The following OLFM3 variants were observed in gnomAD, a reference collection of about 807,000 sequenced individuals.
OLFM3 encodes the protein olfactomedin 3.
Under a neutral mutation model 48.6 loss-of-function variants are expected in OLFM3, and 20 were observed. The ratio of observed to expected loss-of-function variants is 0.41; its 90% CI spans 0.29 to 0.60. OLFM3 has a LOEUF of 0.60. Ranked by LOEUF, OLFM3 falls within the 20% of genes least tolerant of loss-of-function variation. The pLI, the probability that OLFM3 is intolerant of heterozygous loss-of-function variation, is 0.28. For missense variants in OLFM3, 437 were observed against 544.3 expected (o/e 0.80, Z 1.96); for synonymous variants, 222 against 198.1 (o/e 1.12, Z -1.01).
chr1:101,896,000 A>G (rs1658186788), intron 1 of OLFM3, among the ~76,000 whole-genome samples: 1 of 150,130 alleles, frequency 6.7e-6, no homozygotes, highest in South Asian at 2.1e-4. Context: ...AATAATAATA[A>G]TAATAAAAGT....
intron 3 of OLFM3, among the ~76,000 whole-genome samples, chr1:101,827,011 C>A (rs4908187): frequency 0.28 from 42,222 of 151,966 alleles, 6,234 homozygotes; most frequent in Non-Finnish European, 0.33. Context: ...TATTAGCGAT[C>A]AATTGTGAAA....
intron 3 of OLFM3, among the ~76,000 whole-genome samples, chr1:101,826,002 G>A (rs35034398): frequency 0.052 from 7,956 of 152,232 alleles, 268 homozygotes; most frequent in Middle Eastern, 0.11. Flanking sequence ...TTTAAAGGTC[G>A]TTATGTATGG....
At chr1:101,825,303 T>C in intron 3 of OLFM3, 58 bp from the exon 4 acceptor site, 1 of 1,292,508 alleles carries the variant, frequency 7.7e-7, no homozygotes. Flanking sequence ...TGCTGCTCTG[T>C]TCTTTTTATT....
At chr1:101,966,787 G>T (rs886213997) in intron 1 of OLFM3, among the ~76,000 whole-genome samples, 1 of 152,018 alleles carries the variant, frequency 6.6e-6, no homozygotes, top group Non-Finnish European at 1.5e-5. Flanking sequence ...CACTGATATG[G>T]TCTTTCTGAA....
intron 1 of OLFM3, among the ~76,000 whole-genome samples, chr1:101,925,131 T>C (rs77934655): frequency 0.016 from 2,367 of 152,260 alleles, 22 homozygotes; most frequent in African/African-American, 0.021. Context: ...TCATAAAACA[T>C]GGCCTGCTTG....
At chr1:101,844,852 A>G (rs111838227) in intron 1 of OLFM3, among the ~76,000 whole-genome samples, 7 of 152,330 alleles carry the variant, frequency 4.6e-5, no homozygotes, top group African/African-American at 1.7e-4. Context: ...TAGTATGAAC[A>G]TAACTGGCTT....
chr1:101,827,657 T>C (rs145766454), intron 3 of OLFM3, among the ~76,000 whole-genome samples: 1 of 152,210 alleles, frequency 6.6e-6, no homozygotes, highest in East Asian at 1.9e-4. Flanking sequence ...CACAAATATA[T>C]GTTGAGCACC....
At chr1:101,861,884 C>T (rs147400340) in intron 1 of OLFM3, among the ~76,000 whole-genome samples, 84 of 152,228 alleles carry the variant, frequency 5.5e-4, no homozygotes, top group African/African-American at 1.9e-3. Context: ...TATAGTTCAA[C>T]GAAGTTAGAT....
intron 2 of OLFM3, among the ~76,000 whole-genome samples, chr1:101,832,108 G>A (rs1311148180): frequency 1.3e-5 from 2 of 152,072 alleles, no homozygotes; most frequent in Non-Finnish European, 2.9e-5. Context: ...TCATCACATT[G>A]ATGACTATCA....
At chr1:101,900,049 T>A (rs1314931969) in intron 1 of OLFM3, among the ~76,000 whole-genome samples, 1 of 152,180 alleles carries the variant, frequency 6.6e-6, no homozygotes, top group Non-Finnish European at 1.5e-5. Flanking sequence ...ACTTGAAATA[T>A]TATAGGATAT....
At chr1:101,835,264 A>G (rs747036210) in intron 2 of OLFM3, among the ~76,000 whole-genome samples, 22 of 152,230 alleles carry the variant, frequency 1.4e-4, no homozygotes, top group Non-Finnish European at 2.1e-4. Context: ...TCCCTGGTAA[A>G]CAAACAAAAT....
chr1:101,993,152 T>C (rs1188467780), intron 1 of OLFM3, among the ~76,000 whole-genome samples: 1 of 152,154 alleles, frequency 6.6e-6, no homozygotes, highest in Non-Finnish European at 1.5e-5. Flanking sequence ...CCCAAATATG[T>C]AGCTGGCTCC....
chr1:101,945,818 G>A (rs1239510226), intron 1 of OLFM3, among the ~76,000 whole-genome samples: 1 of 151,514 alleles, frequency 6.6e-6, no homozygotes, highest in African/African-American at 2.4e-5. Flanking sequence ...AAAGTTATTG[G>A]GATATAATTG....
chr1:101,958,598 G>A (rs554335086), intron 1 of OLFM3, among the ~76,000 whole-genome samples: 1 of 152,092 alleles, frequency 6.6e-6, no homozygotes, highest in South Asian at 2.1e-4. Context: ...CTTAATTTTA[G>A]AATGTAGAGG....
intron 1 of OLFM3, among the ~76,000 whole-genome samples, chr1:101,986,980 C>T (rs1230621347): frequency 6.6e-6 from 1 of 152,144 alleles, no homozygotes; most frequent in East Asian, 1.9e-4. Context: ...AAACAAATAG[C>T]TTTCCTCACT....
At chr1:101,942,664 G>T (rs1659830803) in intron 1 of OLFM3, among the ~76,000 whole-genome samples, 1 of 152,110 alleles carries the variant, frequency 6.6e-6, no homozygotes. Context: ...CTAATTGGTA[G>T]CCATGAGGTG....
chr1:101,952,366 G>T (rs1222344683), intron 1 of OLFM3, among the ~76,000 whole-genome samples: 2 of 152,008 alleles, frequency 1.3e-5, no homozygotes, highest in Non-Finnish European at 2.9e-5. Context: ...AATCTTTAGT[G>T]TTAGTTACCT....
chr1:101,820,253 T>C (rs1654544875), intron 4 of OLFM3, among the ~76,000 whole-genome samples: 1 of 152,108 alleles, frequency 6.6e-6, no homozygotes, highest in South Asian at 2.1e-4. Context: ...AGCTGTGTAA[T>C]AGAACCTAAT....
At chr1:101,860,794 T>C (rs1441250204) in intron 1 of OLFM3, among the ~76,000 whole-genome samples, 1 of 152,030 alleles carries the variant, frequency 6.6e-6, no homozygotes, top group African/African-American at 2.4e-5. Context: ...TAAGGGATAC[T>C]TTAGTGGGAT....
Sources: allele counts gnomAD v4.1 joint callset (sites outside exome capture counted in the v4.1 genomes callset), GRCh38; gene constraint gnomAD v4.1.1; transcripts MANE v1.5; gene names NCBI Gene and HGNC (gene_info 2026-07-23, HGNC 2026-07-21).